Variants in TTC21B observed in about 807,000 individuals in gnomAD.
The protein encoded by TTC21B is tetratricopeptide repeat protein 21B.
TTC21B carries 127 observed loss-of-function variants against 175.1 expected under a neutral mutation model. That is an observed-to-expected ratio of 0.73 (90% CI 0.63 to 0.84). The LOEUF is 0.84. Among genes scored for constraint, TTC21B ranks in the 40% least tolerant of loss-of-function variants. TTC21B has a pLI of 0.00. For missense variants in TTC21B, 1,561 were observed against 1,558.3 expected (o/e 1.00, Z -0.03); for synonymous variants, 524 against 524.5 (o/e 1.00, Z 0.01).
chr2:165,882,202 G>C (rs886341459), intron 26 of TTC21B, among the ~76,000 whole-genome samples: 23 of 152,014 alleles, frequency 1.5e-4, no homozygotes, highest in African/African-American at 5.3e-4. Context: ...TGAAAAATGG[G>C]GATAGCCTAT....
intron 11 of TTC21B, among the ~76,000 whole-genome samples, chr2:165,925,615 A>C (rs772207260): frequency 6.6e-6 from 1 of 152,210 alleles, no homozygotes; most frequent in African/African-American, 2.4e-5. Context: ...CACAATATAT[A>C]CGCTCAAAAA....
At chr2:165,945,797 CTGT>C in intron 3 of TTC21B, 107 bp from the exon 4 acceptor site, 1 of 457,368 alleles carries the variant, frequency 2.2e-6, no homozygotes, top group Non-Finnish European at 3.6e-6. Flanking sequence ...TATAGTGGTA[CTGT>C]CTAATAGAAA....
chr2:165,886,298 C>G (rs560143695), intron 25 of TTC21B, among the ~76,000 whole-genome samples: 1 of 152,234 alleles, frequency 6.6e-6, no homozygotes, highest in South Asian at 2.1e-4. Context: ...TTTTTATTTG[C>G]AATTCTAGTA....
intron 27 of TTC21B, among the ~76,000 whole-genome samples, chr2:165,877,603 A>G (rs1385410760): frequency 6.6e-6 from 1 of 152,206 alleles, no homozygotes; most frequent in Admixed American, 6.5e-5. Flanking sequence ...AGTATACTCT[A>G]AGATGTTCAC....
intron 24 of TTC21B, 52 bp downstream of exon 24, chr2:165,890,427 A>G (rs1685146507): frequency 1.3e-6 from 2 of 1,564,426 alleles, no homozygotes; most frequent in East Asian, 4.5e-5. Context: ...ATCCCTGTTT[A>G]TTATCTCCAA....
intron 15 of TTC21B, among the ~76,000 whole-genome samples, 175 bp downstream of exon 15, chr2:165,915,026 G>A (rs1237839586): frequency 2.0e-5 from 3 of 152,006 alleles, no homozygotes; most frequent in Admixed American, 6.6e-5. Flanking sequence ...GTTTTAGGGA[G>A]AGCAAATAAC....
In TTC21B at chr2:165,883,956, T is replaced by C; in HGVS notation, c.3522A>G (p.Pro1174=). Residue 1174 remains proline (P), a synonymous_variant, in exon 26 of 29, where the codon CCA becomes CCG. Coordinates refer to ENST00000243344, the MANE Select transcript of TTC21B (RefSeq NM_024753.5). ...TACGCTTCAGCTGGTTTCTGGCTCG[T>C]GGAGTCTGTTTCAAGATCATATAAG... ...ATAYMILKQT[P]RARNQLKRIA... The C allele has an allele frequency of 6.2e-7, 1 of 1,614,128 alleles. No homozygotes were observed. The highest frequency in any genetic ancestry group is 1.3e-5 in the African/African-American group (1 of 75,042).
intron 8 of TTC21B, among the ~76,000 whole-genome samples, chr2:165,931,081 G>T (rs1027531751): frequency 2.6e-5 from 4 of 151,950 alleles, no homozygotes; most frequent in African/African-American, 9.7e-5. Flanking sequence ...TCAAACTTTC[G>T]TTATAGCATG....
At chr2:165,901,963 T>C (rs1685584076) in intron 19 of TTC21B, 53 bp from the exon 20 acceptor site, 1 of 1,439,852 alleles carries the variant, frequency 6.9e-7, no homozygotes, top group African/African-American at 1.4e-5. Context: ...AATTAAATTC[T>C]CCGTAACTCA....
At chr2:165,936,128 G>A (rs1375170928) in intron 6 of TTC21B, among the ~76,000 whole-genome samples, 16 of 152,020 alleles carry the variant, frequency 1.1e-4, no homozygotes, top group Admixed American at 1.0e-3. Context: ...ACAGGTCAAT[G>A]GAACAGGGTG....
chr2:165,948,516 A>C (rs1175017369), intron 3 of TTC21B: 1 of 152,230 alleles, frequency 6.6e-6, no homozygotes, highest in Non-Finnish European at 1.5e-5. Flanking sequence ...AGTCTCGTCT[A>C]ATATTCAAGG....
intron 11 of TTC21B, among the ~76,000 whole-genome samples, chr2:165,926,259 C>T (rs1037355155): frequency 1.3e-5 from 2 of 152,182 alleles, no homozygotes; most frequent in African/African-American, 2.4e-5. Flanking sequence ...ATTTCTTGTT[C>T]TATCTACAGT....
chr2:165,941,885 T>C (rs924032371), intron 5 of TTC21B, among the ~76,000 whole-genome samples: 7 of 152,300 alleles, frequency 4.6e-5, no homozygotes, highest in Admixed American at 6.5e-5. Flanking sequence ...ATAGTTTAAC[T>C]GGTTATTTCC....
chr2:165,902,464 C>A (rs975512690), intron 19 of TTC21B, among the ~76,000 whole-genome samples: 1 of 152,098 alleles, frequency 6.6e-6, no homozygotes, highest in African/African-American at 2.4e-5. Context: ...ACAAGGCACC[C>A]TTCTGGGGAG....
chr2:165,927,992 T>C (rs1466721795), intron 11 of TTC21B, among the ~76,000 whole-genome samples: 3 of 152,200 alleles, frequency 2.0e-5, no homozygotes, highest in African/African-American at 7.2e-5. Context: ...AAAGTTAGGA[T>C]GTCTGTATCT....
intron 19 of TTC21B, among the ~76,000 whole-genome samples, chr2:165,905,222 G>C (rs1208583453): frequency 1.3e-5 from 2 of 151,492 alleles, no homozygotes; most frequent in African/African-American, 4.9e-5. Context: ...AATAAAAGGA[G>C]GTATAAATAA....
At chr2:165,953,056 T>G (rs536585615) in intron 1 of TTC21B, among the ~76,000 whole-genome samples, 2 of 152,210 alleles carry the variant, frequency 1.3e-5, no homozygotes, top group Non-Finnish European at 2.9e-5. Context: ...TAACCCTTCA[T>G]AAATATTTGC....
intron 6 of TTC21B, among the ~76,000 whole-genome samples, chr2:165,939,396 T>C (rs868825425): frequency 3.7e-4 from 57 of 152,348 alleles, no homozygotes; most frequent in African/African-American, 1.2e-3. Context: ...ATACTTCATT[T>C]GTATCTTGAA....
At chr2:165,908,453 G>A (rs1295300207) in intron 18 of TTC21B, among the ~76,000 whole-genome samples, 1 of 152,002 alleles carries the variant, frequency 6.6e-6, no homozygotes, top group Non-Finnish European at 1.5e-5. Flanking sequence ...ATAAATATTT[G>A]GTTAATGCCA....
Sources: gnomAD v4.1 joint callset for allele counts (sites outside exome capture counted in the v4.1 genomes callset) on GRCh38, gnomAD v4.1.1 for gene constraint, MANE v1.5 for transcripts, NCBI Gene and HGNC (gene_info 2026-07-23, HGNC 2026-07-21) for gene names.